Variants in VDAC1 observed in about 807,000 individuals in gnomAD.
VDAC1 encodes voltage dependent anion channel 1.
A neutral mutation model predicts 34.7 loss-of-function variants in VDAC1; 10 were observed. The ratio of observed to expected loss-of-function variants is 0.29; its 90% CI spans 0.18 to 0.49. The LOEUF (loss-of-function observed/expected upper bound fraction) is 0.49, where lower values mean the gene tolerates loss of function less well. Among genes scored for constraint, VDAC1 ranks in the 20% least tolerant of loss-of-function variants. The pLI is 0.99. For synonymous variants in VDAC1, 130 were observed against 136.0 expected (o/e 0.96, Z 0.30); for missense variants, 230 against 347.9 (o/e 0.66, Z 2.69).
the VDAC1 span, among the ~76,000 whole-genome samples, chr5:134,077,988 C>T: frequency 2.5e-3 from 378 of 152,332 alleles, 2 homozygotes; most frequent in African/African-American, 8.9e-3. Flanking sequence ...TAAAGCAAGC[C>T]GCATCAGGGA....
the VDAC1 span, among the ~76,000 whole-genome samples, chr5:134,070,702 T>A: frequency 3.3e-5 from 5 of 152,218 alleles, no homozygotes; most frequent in Non-Finnish European, 5.9e-5. Flanking sequence ...TTACTCATGA[T>A]TTGAAGTCTC....
the VDAC1 span, among the ~76,000 whole-genome samples, chr5:134,040,022 A>G: frequency 6.6e-6 from 1 of 152,186 alleles, no homozygotes; most frequent in Non-Finnish European, 1.5e-5. Flanking sequence ...TGGAACCCCA[A>G]AATTGGGCCC....
the VDAC1 span, among the ~76,000 whole-genome samples, chr5:134,025,417 C>G: frequency 6.6e-6 from 1 of 152,152 alleles, no homozygotes; most frequent in Non-Finnish European, 1.5e-5. Context: ...AACACTGGGA[C>G]TCGCACGTCA....
At position 134,002,070 on chromosome 5, in the gene VDAC1, C is replaced by T. The variant is rs184147720; in HGVS notation, c.-7+2825G>A. Among the ~76,000 whole-genome samples the T allele has an allele frequency of 2.1e-3, 317 of 150,952 alleles. 3 individuals are homozygous for T. Among genetic ancestry groups the T allele is most frequent in the Admixed American group, 0.02 (296 of 15,164 alleles). On this transcript the variant is annotated intron_variant, in intron 1 of 8. Coordinates refer to ENST00000265333, the MANE Select transcript of VDAC1 (RefSeq NM_003374.3). Reference sequence around the variant, plus strand: ...GGCTGGTCCTCAACCACACATGCGCCTCTTCCAGTCACTACCACCGAAGAC... The same window carrying T: ...GGCTGGTCCTCAACCACACATGCGCTTCTTCCAGTCACTACCACCGAAGAC...
chr5:134,086,689 TCCTTCC>T, the VDAC1 span, among the ~76,000 whole-genome samples: 3,023 of 152,158 alleles, frequency 0.02, 86 homozygotes, highest in African/African-American at 0.068. Context: ...TCTTCCTTCT[TCCTTCC>T]CCTTCCCCTT....
chr5:134,000,556 G>C (rs1488452648), intron 1 of VDAC1, among the ~76,000 whole-genome samples: 1 of 152,176 alleles, frequency 6.6e-6, no homozygotes, highest in African/African-American at 2.4e-5. Flanking sequence ...GGCTTGACCA[G>C]GTAGGGTTGA....
the VDAC1 span, among the ~76,000 whole-genome samples, chr5:134,105,645 CAG>C: frequency 1.3e-5 from 2 of 152,202 alleles, no homozygotes; most frequent in Non-Finnish European, 2.9e-5. Context: ...TGGGACAAAA[CAG>C]AAAATGAGAG....
the VDAC1 span, among the ~76,000 whole-genome samples, chr5:134,096,498 G>A: frequency 6.6e-6 from 1 of 152,232 alleles, no homozygotes; most frequent in South Asian, 2.1e-4. Context: ...AGGGGGTTGT[G>A]GGCCACACGA....
chr5:134,038,076 A>G, the VDAC1 span, among the ~76,000 whole-genome samples: 1 of 152,172 alleles, frequency 6.6e-6, no homozygotes, highest in South Asian at 2.1e-4. Flanking sequence ...TATGGCCTCT[A>G]CCCTCAAGGA....
the VDAC1 span, among the ~76,000 whole-genome samples, chr5:134,030,568 A>G: frequency 1.3e-5 from 2 of 150,342 alleles, no homozygotes; most frequent in South Asian, 4.2e-4. Flanking sequence ...TAAGGGTAGA[A>G]AAGTTTTCCC....
the VDAC1 span, among the ~76,000 whole-genome samples, chr5:134,101,350 G>A: frequency 1.3e-5 from 2 of 152,170 alleles, no homozygotes; most frequent in Non-Finnish European, 2.9e-5. Flanking sequence ...AGCACTTTGG[G>A]AGGCCGAGGC....
chr5:134,018,788 A>G, the VDAC1 span, among the ~76,000 whole-genome samples: 1 of 152,210 alleles, frequency 6.6e-6, no homozygotes. Flanking sequence ...TGAGTCAAGC[A>G]TGCTCAGCTG....
intron 5 of VDAC1, among the ~76,000 whole-genome samples, chr5:133,987,310 G>A (rs573041307): frequency 4.8e-4 from 72 of 151,352 alleles, no homozygotes; most frequent in African/African-American, 1.6e-3. Context: ...GCAATGAGCC[G>A]AGATCATACC....
the VDAC1 span, among the ~76,000 whole-genome samples, chr5:134,102,026 C>T: frequency 6.6e-6 from 1 of 152,250 alleles, no homozygotes; most frequent in Non-Finnish European, 1.5e-5. Context: ...GCATGCCCAT[C>T]CTCCACTATT....
chr5:134,045,680 CTT>C, the VDAC1 span, among the ~76,000 whole-genome samples: 3 of 144,482 alleles, frequency 2.1e-5, no homozygotes, highest in African/African-American at 5.1e-5. Flanking sequence ...CAAGATTTTT[CTT>C]TTTTTTTTTT....
At chr5:134,081,378 C>T in the VDAC1 span, among the ~76,000 whole-genome samples, 1 of 152,166 alleles carries the variant, frequency 6.6e-6, no homozygotes, top group East Asian at 1.9e-4. Flanking sequence ...AGGGTTTCAC[C>T]ATGTTGCCCA....
chr5:134,025,775 T>C, the VDAC1 span, among the ~76,000 whole-genome samples: 2 of 151,672 alleles, frequency 1.3e-5, no homozygotes, highest in Admixed American at 6.6e-5. Flanking sequence ...TCATTTTTTT[T>C]CATAGAAATA....
At chr5:134,009,750 C>G (rs1441915342), upstream of VDAC1, among the ~76,000 whole-genome samples, 1 of 151,862 alleles carries the variant, frequency 6.6e-6, no homozygotes, top group Non-Finnish European at 1.5e-5. Flanking sequence ...GGCACCATCT[C>G]GGGTCACTGC....
the VDAC1 span, among the ~76,000 whole-genome samples, chr5:134,099,655 G>A: frequency 6.6e-6 from 1 of 152,134 alleles, no homozygotes; most frequent in East Asian, 1.9e-4. Flanking sequence ...ATCACAACAC[G>A]CAGCAGCGTT....
Sources: gnomAD v4.1 joint callset for allele counts (sites outside exome capture counted in the v4.1 genomes callset) on GRCh38, gnomAD v4.1.1 for gene constraint, MANE v1.5 for transcripts, NCBI Gene and HGNC (gene_info 2026-07-23, HGNC 2026-07-21) for gene names.